Variants in DCC observed in about 807,000 individuals in gnomAD.
DCC encodes netrin receptor DCC.
DCC carries 58 observed loss-of-function variants against 172.5 expected under a neutral mutation model. The observed-to-expected ratio is 0.34, with a 90% CI of 0.27 to 0.42. The LOEUF (loss-of-function observed/expected upper bound fraction) is 0.42. Among genes scored for constraint, DCC ranks in the 10% least tolerant of loss-of-function variants. The pLI, the probability that DCC is intolerant of heterozygous loss-of-function variation, is 1.00. For missense variants in DCC, 1,740 were observed against 1,791.0 expected, an observed-to-expected ratio of 0.97 and a Z score of 0.51; for synonymous variants, 709 against 644.5, an observed-to-expected ratio of 1.10 and a Z score of -1.52.
At chr18:53,207,379 C>T (rs2144557822) in intron 10 of DCC, among the ~76,000 whole-genome samples, 1 of 152,272 alleles carries the variant, frequency 6.6e-6, no homozygotes, top group Non-Finnish European at 1.5e-5. Flanking sequence ...AAGCTGCCTT[C>T]TGCCTGTGAG....
At chr18:53,487,457 G>A (rs887073278) in intron 26 of DCC, among the ~76,000 whole-genome samples, 1 of 151,374 alleles carries the variant, frequency 6.6e-6, no homozygotes, top group Non-Finnish European at 1.5e-5. Context: ...TTTCTTTGAA[G>A]GAAGGTAGGA....
At chr18:53,282,511 G>T (rs891682235) in intron 12 of DCC, among the ~76,000 whole-genome samples, 6 of 152,076 alleles carry the variant, frequency 3.9e-5, no homozygotes, top group African/African-American at 1.4e-4. Context: ...TCACAACTTT[G>T]CCTTAATGTC....
intron 5 of DCC, among the ~76,000 whole-genome samples, chr18:53,021,595 A>G (rs945663717): frequency 6.6e-6 from 1 of 152,068 alleles, no homozygotes; most frequent in Admixed American, 6.6e-5. Flanking sequence ...CCTAGAAGGA[A>G]GAATTCTCAT....
intron 1 of DCC, among the ~76,000 whole-genome samples, chr18:52,525,296 T>C (rs2031949092): frequency 6.6e-6 from 1 of 152,186 alleles, no homozygotes; most frequent in Non-Finnish European, 1.5e-5. Context: ...AGTAAACCTA[T>C]ATGGTCATCC....
chr18:53,433,483 T>C (rs1476137160), intron 21 of DCC, among the ~76,000 whole-genome samples: 1 of 152,220 alleles, frequency 6.6e-6, no homozygotes, highest in Non-Finnish European at 1.5e-5. Context: ...TTTACTGGCC[T>C]AAGTGATGAT....
chr18:53,490,592 G>T (rs148897646), intron 26 of DCC, among the ~76,000 whole-genome samples: 7 of 152,130 alleles, frequency 4.6e-5, no homozygotes, highest in African/African-American at 1.7e-4. Flanking sequence ...ATTCTCACTC[G>T]ATACTCTGAA....
At chr18:52,417,253 G>C (rs1448990353) in intron 1 of DCC, among the ~76,000 whole-genome samples, 1 of 152,170 alleles carries the variant, frequency 6.6e-6, no homozygotes, top group Non-Finnish European at 1.5e-5. Flanking sequence ...CTGTTAGTCT[G>C]ATGGGCTTCC....
intron 2 of DCC, among the ~76,000 whole-genome samples, chr18:52,799,530 C>G (rs2037942309): frequency 6.6e-6 from 1 of 152,178 alleles, no homozygotes; most frequent in Non-Finnish European, 1.5e-5. Flanking sequence ...AGTCTCATAT[C>G]AAGTCACATG....
chr18:52,589,723 G>A (rs1202014654), intron 1 of DCC, among the ~76,000 whole-genome samples: 1 of 152,126 alleles, frequency 6.6e-6, no homozygotes, highest in African/African-American at 2.4e-5. Context: ...ATCAATTAGA[G>A]CCTTCAAGCA....
chr18:52,849,640 A>G (rs1303911023), intron 2 of DCC, among the ~76,000 whole-genome samples: 3 of 152,348 alleles, frequency 2.0e-5, no homozygotes, highest in Non-Finnish European at 4.4e-5. Context: ...CATCATTGGC[A>G]ACAGAATATG....
At chr18:53,027,233 T>C (rs886850855) in intron 5 of DCC, among the ~76,000 whole-genome samples, 14 of 152,094 alleles carry the variant, frequency 9.2e-5, no homozygotes, top group African/African-American at 3.1e-4. Flanking sequence ...AGTAGAGATA[T>C]CTGGTTCCTG....
At chr18:53,248,327 C>A (rs929880887) in intron 12 of DCC, among the ~76,000 whole-genome samples, 2 of 151,920 alleles carry the variant, frequency 1.3e-5, no homozygotes, top group African/African-American at 4.8e-5. Flanking sequence ...TCAGTGATTA[C>A]CCCCAGAATG....
intron 22 of DCC, among the ~76,000 whole-genome samples, chr18:53,440,904 C>T (rs1395440710): frequency 6.6e-6 from 1 of 152,184 alleles, no homozygotes; most frequent in Non-Finnish European, 1.5e-5. Context: ...TTCATCTGGA[C>T]CTAGAAACTG....
At chr18:53,074,114 A>G (rs1158674471) in intron 7 of DCC, among the ~76,000 whole-genome samples, 3 of 152,152 alleles carry the variant, frequency 2.0e-5, no homozygotes, top group Admixed American at 6.5e-5. Flanking sequence ...TCTTACTTTG[A>G]TATTAACTAC....
intron 2 of DCC, among the ~76,000 whole-genome samples, chr18:52,857,271 T>C (rs890486417): frequency 6.6e-6 from 1 of 152,234 alleles, no homozygotes; most frequent in Non-Finnish European, 1.5e-5. Context: ...AACATTTTGC[T>C]ATCCTTGCTC....
intron 5 of DCC, among the ~76,000 whole-genome samples, chr18:52,973,901 AAAG>A (rs1201717851): frequency 6.6e-6 from 1 of 152,206 alleles, no homozygotes; most frequent in East Asian, 1.9e-4. Context: ...TCGGTAGATC[AAAG>A]AAGATTCATT....
intron 1 of DCC, among the ~76,000 whole-genome samples, chr18:52,462,311 G>A (rs1343141736): frequency 6.6e-6 from 1 of 152,008 alleles, no homozygotes; most frequent in East Asian, 1.9e-4. Flanking sequence ...ACCCTCCAAT[G>A]ACTTCCCACC....
chr18:52,586,959 A>G (rs921893705), intron 1 of DCC, among the ~76,000 whole-genome samples: 15 of 152,196 alleles, frequency 9.9e-5, no homozygotes, highest in African/African-American at 3.6e-4. Flanking sequence ...CCTTGGTCAG[A>G]GGCAATGCTG....
chr18:52,746,911 G>GAA (rs571435890), intron 1 of DCC, among the ~76,000 whole-genome samples: 410 of 125,826 alleles, frequency 3.3e-3, no homozygotes, highest in East Asian at 0.023. Flanking sequence ...TCATTTTACA[G>GAA]AAAAAAAAAA....
Sources: allele counts gnomAD v4.1 joint callset (sites outside exome capture counted in the v4.1 genomes callset), GRCh38; gene constraint gnomAD v4.1.1; transcripts MANE v1.5; gene names NCBI Gene and HGNC (gene_info 2026-07-23, HGNC 2026-07-21).